The following PARP14 variants were observed in gnomAD, a reference collection of about 807,000 sequenced individuals.
PARP14 encodes the protein protein mono-ADP-ribosyltransferase PARP14.
Under a neutral mutation model 154.2 loss-of-function variants are expected in PARP14, and 59 were observed. The ratio of observed to expected loss-of-function variants is 0.38; its 90% CI spans 0.31 to 0.48. The LOEUF (loss-of-function observed/expected upper bound fraction) is 0.48, where lower values mean the gene tolerates loss of function less well. Ranked by LOEUF, PARP14 falls within the 20% of genes least tolerant of loss-of-function variation. The pLI, the probability that PARP14 is intolerant of heterozygous loss-of-function variation, is 0.98. For synonymous variants in PARP14, 720 were observed against 780.5 expected, an observed-to-expected ratio of 0.92 and a Z score of 1.29; for missense variants, 1,734 against 2,131.6, an observed-to-expected ratio of 0.81 and a Z score of 3.67.
Position 122,726,684 on chromosome 3 carries a change from G to A in PARP14, c.4942-1128G>A, listed in dbSNP as rs936138690. Among the ~76,000 whole-genome samples, 3 of 151,888 alleles carry A rather than the reference G, an allele frequency of 2.0e-5. No individual in the cohort carries two copies. In the East Asian group the frequency reaches 5.8e-4, roughly 29 times the overall value. On this transcript the variant is annotated intron_variant, in intron 15 of 16. Coordinates refer to ENST00000474629, the MANE Select transcript of PARP14 (RefSeq NM_017554.3). The stretch of plus-strand genomic sequence containing the variant: ...AGGTTACTATATTCAAAAATTACTT[G>A]ACATAATTATTTTTAAAAATTTTAA...
In PARP14 at chr3:122,718,406, G is replaced by T. The variant is rs2107653407; in HGVS notation, c.4255G>T (p.Val1419Phe). 2.5e-6 allele frequency: 4 copies of T among 1,613,026 alleles called. No individual in the cohort carries two copies. Among genetic ancestry groups the T allele is most frequent in the Non-Finnish European group, 3.4e-6 (4 of 1,179,696 alleles). The stretch of plus-strand genomic sequence containing the variant: ...ATCTCCCCAAAAAAAGAATCATTTG[G>T]TTTTGGAAAAGAAAACAGAATCAGC... ...KQSPQKKNHLVLEKKTESATF... is the reference protein window; with the variant it reads ...KQSPQKKNHLFLEKKTESATF... The change falls in exon 14 of 17, where the codon GTT becomes TTT. Residue 1419 changes from valine to phenylalanine, a missense_variant. By Grantham distance (50) the Val-to-Phe change is conservative. Around this residue, in one of 2 missense-constraint regions of PARP14, gnomAD observed 1,646 missense variants for 1,976.0 expected, o/e 0.83. Coordinates refer to ENST00000474629, the MANE Select transcript of PARP14 (RefSeq NM_017554.3).
chr3:122,701,171 C>A lies in PARP14; in HGVS notation c.2617C>A (p.Pro873Thr), dbSNP rs1387275351. The A allele has an allele frequency of 6.2e-7, 1 of 1,613,594 alleles. No individual in the cohort carries two copies. Among genetic ancestry groups the A allele is most frequent in the Non-Finnish European group, 8.5e-7 (1 of 1,179,776 alleles). Residue 873 changes from proline to threonine, a missense_variant, in exon 6 of 17, where the codon CCC becomes ACC. This residue lies in a region of PARP14 where 1,646 missense variants were observed against 1,976.0 expected (regional missense o/e 0.83). Transcript: ENST00000474629. This position sits in a 1 kb window ranked among gnomAD's most constrained non-coding sequence, Gnocchi z 4.0. ...CACCATCTCCAAGGCAGGAAAGCTGCCCTACCACCACGTGATCCATGCAGT... is the reference window on the plus strand; with the variant it reads ...CACCATCTCCAAGGCAGGAAAGCTGACCTACCACCACGTGATCCATGCAGT... ...NATISKAGKL[P>T]YHHVIHAVGP...
In PARP14 at chr3:122,699,387, A is replaced by G; in HGVS notation, c.836-3A>G. 6.4e-7 allele frequency: 1 copy of G among 1,566,156 alleles called. No individual in the cohort carries two copies. The highest frequency in any genetic ancestry group is 8.7e-7 in the Non-Finnish European group (1 of 1,150,558). On this transcript the variant is annotated splice_region_variant and splice_polypyrimidine_tract_variant and intron_variant, in intron 5 of 16. Transcript: ENST00000474629. The stretch of plus-strand genomic sequence containing the variant: ...TACATTATTTTACTTCTTTCCTTTT[A>G]AGTGTTAGACACCATCATGGCCACA...
intron 2 of PARP14, 79 bp from the exon 3 acceptor site, chr3:122,687,001 A>T: frequency 2.1e-6 from 2 of 974,900 alleles, no homozygotes. Context: ...CTCCATCTCC[A>T]GGCTGGTCCC....
chr3:122,687,055 T>C (rs200300669), intron 2 of PARP14, 25 bp from the exon 3 acceptor site: 2 of 1,529,190 alleles, frequency 1.3e-6, no homozygotes, highest in African/African-American at 2.7e-5. Flanking sequence ...CATGTATTAA[T>C]GCTACTTTAT....
Position 122,692,556 on chromosome 3 carries a change from G to T in PARP14, c.598+13G>T. ...CAAAAGCACATAGGTAAGATGAAGTGACACTTCCTCTGCCTGTCTTCTTTG... is the reference window on the plus strand; with the variant it reads ...CAAAAGCACATAGGTAAGATGAAGTTACACTTCCTCTGCCTGTCTTCTTTG... On this transcript the variant is annotated intron_variant, in intron 4 of 16. Coordinates refer to ENST00000474629, the MANE Select transcript of PARP14 (RefSeq NM_017554.3). The T allele has an allele frequency of 6.3e-7, 1 of 1,597,434 alleles. No individual in the cohort carries two copies. Among genetic ancestry groups the T allele is most frequent in the South Asian group, 1.1e-5 (1 of 89,736 alleles).
rs1443072515 is a variant in PARP14, at chr3:122,681,070, G to A, written c.187G>A (p.Val63Ile). The change falls in exon 1 of 17, where the codon GTT becomes ATT. Residue 63 changes from valine (V) to isoleucine (I), a missense_variant and splice_region_variant. Physicochemically the swap from Val to Ile is conservative, Grantham distance 29. This residue lies in a region of PARP14 where 1,646 missense variants were observed against 1,976.0 expected (regional missense o/e 0.83). Transcript: ENST00000474629. The surrounding 1 kb of genome is among the most constrained non-coding windows in gnomAD (Gnocchi z 5.5). ...CCTGGTGTTCTTCTACCCGGAGGAC[G>A]GTGAGGGGCGCGAGGGGTGGGGTGA... ...RFLVFFYPED[V>I]RQKVLERKNH... is the part of the protein sequence containing the mutation. The A allele has an allele frequency of 1.2e-6, 2 of 1,612,162 alleles. No homozygotes were observed. Among genetic ancestry groups the A allele is most frequent in the South Asian group, 1.1e-5 (1 of 91,014 alleles).
rs1200073943 is a variant in PARP14 at position 122,717,988 on chromosome 3, A to G, written c.4001-83A>G. 1.4e-5 allele frequency: 14 copies of G among 994,616 alleles called. No individual in the cohort carries two copies. The Admixed American group carries it at 2.1e-4, about 15-fold the overall frequency. 61.6% of individuals were successfully genotyped at this position (994,616 alleles called of 1,614,324 possible). On this transcript the variant is annotated intron_variant, in intron 12 of 16. Transcript: ENST00000474629. ...TTGAGGAGTGGGCATTTATTCTCTG[A>G]GCATTGGAAACCCTAATTTATTCCT...
chr3:122,715,913 C>A (rs1450064799), intron 12 of PARP14, among the ~76,000 whole-genome samples: 1 of 152,192 alleles, frequency 6.6e-6, no homozygotes, highest in Non-Finnish European at 1.5e-5. Context: ...CACATTTGAG[C>A]ATTTCTGGAC....
At chr3:122,706,004 A>G (rs1486747673) in intron 8 of PARP14, among the ~76,000 whole-genome samples, 1 of 152,232 alleles carries the variant, frequency 6.6e-6, no homozygotes, top group East Asian at 1.9e-4. Flanking sequence ...TATAAATCAC[A>G]ATTACTTTGG....
At chr3:122,720,860 C>A (rs915913932) in intron 15 of PARP14, 2 of 456,580 alleles carry the variant, frequency 4.4e-6, no homozygotes, top group Admixed American at 4.7e-5. Flanking sequence ...GTAGTCCCAG[C>A]TATTGGGAGG....
In PARP14 at chr3:122,681,040, C is replaced by T. The variant is rs1470854959; in HGVS notation, c.157C>T (p.Arg53Cys). 4 of 1,613,586 alleles carry T rather than the reference C, an allele frequency of 2.5e-6. No individual in the cohort carries two copies. The highest frequency in any genetic ancestry group is 1.1e-5 in the South Asian group (1 of 91,064). Residue 53 changes from arginine to cysteine, a missense_variant, in exon 1 of 17, where the codon CGC becomes TGC. Arg to Cys is a radical substitution (Grantham distance 180, BLOSUM62 -3). This residue lies in a region of PARP14 where 1,646 missense variants were observed against 1,976.0 expected (regional missense o/e 0.83). Coordinates refer to ENST00000474629, the MANE Select transcript of PARP14 (RefSeq NM_017554.3). The surrounding 1 kb of genome is among the most constrained non-coding windows in gnomAD (Gnocchi z 5.5). ...EVRQDPRSPS[R>C]FLVFFYPEDV... Reference sequence around the variant, plus strand: ...CCGCCAGGATCCCAGGAGCCCATCCCGCTTCCTGGTGTTCTTCTACCCGGA... The same window carrying T: ...CCGCCAGGATCCCAGGAGCCCATCCTGCTTCCTGGTGTTCTTCTACCCGGA...
At chr3:122,699,100 ACTG>A (rs1197584495) in intron 5 of PARP14, among the ~76,000 whole-genome samples, 3 of 152,214 alleles carry the variant, frequency 2.0e-5, no homozygotes, top group Non-Finnish European at 2.9e-5. Flanking sequence ...ATACCTGTGC[ACTG>A]CTAACACATA....
intron 14 of PARP14, among the ~76,000 whole-genome samples, 198 bp downstream of exon 14, chr3:122,719,156 G>C (rs536327030): frequency 6.6e-6 from 1 of 152,332 alleles, no homozygotes; most frequent in South Asian, 2.1e-4. Context: ...CCAAAAGCCT[G>C]AAGATGACTA....
In PARP14 at chr3:122,700,943, G is replaced by A. The variant is rs1355504393; in HGVS notation, c.2389G>A (p.Val797Ile). Residue 797 changes from valine (V) to isoleucine (I), a missense_variant, in exon 6 of 17, where the codon GTC becomes ATC. Val to Ile is a conservative substitution (Grantham distance 29). Around this residue, in one of 2 missense-constraint regions of PARP14, gnomAD observed 1,646 missense variants for 1,976.0 expected, o/e 0.83. Transcript: ENST00000474629. ...TGGGCAGAAGTGCTTCTCTCGGACA[G>A]TCTTGGCCCCTGGCGTTGTGCTGAT... ...PAGQKCFSRT[V>I]LAPGVVLIVQ... is the part of the protein sequence containing the mutation. The A allele has an allele frequency of 1.2e-6, 2 of 1,614,046 alleles. No individual in the cohort carries two copies. The highest frequency in any genetic ancestry group is 8.5e-7 in the Non-Finnish European group (1 of 1,179,896).
At position 122,701,140 on chromosome 3, in the gene PARP14, C is replaced by A; in HGVS notation, c.2586C>A (p.Gly862=). The change falls in exon 6 of 17, where the codon GGC becomes GGA. Residue 862 remains glycine, a synonymous_variant. Transcript: ENST00000474629. This position sits in a 1 kb window ranked among gnomAD's most constrained non-coding sequence, Gnocchi z 4.0. The part of the protein sequence containing the change: ...IVKREGRLLP[G]NATISKAGKL... ...AGAGAGAGGGCAGACTCCTACCGGG[C>A]AATGCCACCATCTCCAAGGCAGGAA... 6.2e-7 allele frequency: 1 copy of A among 1,613,868 alleles called. No homozygotes were observed. The highest frequency in any genetic ancestry group is 8.5e-7 in the Non-Finnish European group (1 of 1,179,832).
chr3:122,700,752 A>G lies in PARP14; in HGVS notation c.2198A>G (p.Gln733Arg). Reference sequence around the variant, plus strand: ...CTGAAGGCAGTGGACATTGTCAAGCAAGTCTGGGATTCAGTCTGTGTTAAA... The same window carrying G: ...CTGAAGGCAGTGGACATTGTCAAGCGAGTCTGGGATTCAGTCTGTGTTAAA... The part of the protein sequence containing the change: ...EVLKAVDIVK[Q>R]VWDSVCVKSV... Residue 733 changes from glutamine (Q) to arginine (R), a missense_variant, in exon 6 of 17, where the codon CAA becomes CGA. This residue lies in a region of PARP14 where 1,646 missense variants were observed against 1,976.0 expected (regional missense o/e 0.83). Transcript: ENST00000474629. 1 of 1,613,518 alleles carries G rather than the reference A, an allele frequency of 6.2e-7. No homozygotes were observed. The highest frequency in any genetic ancestry group is 2.2e-5 in the East Asian group (1 of 44,884).
chr3:122,722,225 T>A (rs538980330), intron 15 of PARP14: 57 of 152,312 alleles, frequency 3.7e-4, no homozygotes, highest in African/African-American at 1.3e-3. Flanking sequence ...TGTTTTTTTT[T>A]AATGTAAAAC....
At chr3:122,712,481 C>A (rs1224538331) in intron 9 of PARP14, among the ~76,000 whole-genome samples, 1 of 152,080 alleles carries the variant, frequency 6.6e-6, no homozygotes, top group African/African-American at 2.4e-5. Flanking sequence ...CTCCTGACCT[C>A]AAGTGATCCA....
Sources: allele counts gnomAD v4.1 joint callset (sites outside exome capture counted in the v4.1 genomes callset), GRCh38; gene constraint gnomAD v4.1.1; regional missense constraint gnomAD v4.1.1; non-coding constraint Gnocchi (gnomAD v3.1); transcripts MANE v1.5; gene names NCBI Gene and HGNC (gene_info 2026-07-23, HGNC 2026-07-21).